Variants in PCDH7 observed in about 807,000 individuals in gnomAD.
The protein encoded by PCDH7 is protocadherin 7.
In PCDH7, 17 loss-of-function variants were observed where a neutral mutation model predicts 58.9. That is an observed-to-expected ratio of 0.29 (90% CI 0.20 to 0.43). PCDH7 has a LOEUF of 0.43. Ranked by LOEUF, PCDH7 falls within the 20% of genes least tolerant of loss-of-function variation. The pLI is 1.00. For missense variants in PCDH7, 1,274 were observed against 1,441.0 expected (o/e 0.88, Z 1.88); for synonymous variants, 664 against 616.4 (o/e 1.08, Z -1.14).
At chr4:30,961,634 A>G (rs1233849719) in intron 3 of PCDH7, among the ~76,000 whole-genome samples, 3 of 152,160 alleles carry the variant, frequency 2.0e-5, no homozygotes, top group African/African-American at 7.2e-5. Flanking sequence ...AAATATATCA[A>G]AAGTATAGCC....
At chr4:30,877,316 G>A (rs1032099494) in intron 1 of PCDH7, among the ~76,000 whole-genome samples, 40 of 152,132 alleles carry the variant, frequency 2.6e-4, no homozygotes, top group African/African-American at 8.4e-4. Flanking sequence ...ATCAAAATCC[G>A]AAAATAATTA....
At chr4:30,926,937 T>C (rs1743948029) in intron 2 of PCDH7, among the ~76,000 whole-genome samples, 2 of 152,184 alleles carry the variant, frequency 1.3e-5, no homozygotes, top group African/African-American at 4.8e-5. Context: ...TTCTCAGTCC[T>C]TTCTTTTCTA....
intron 2 of PCDH7, among the ~76,000 whole-genome samples, chr4:30,930,438 G>A (rs1744426710): frequency 6.6e-6 from 1 of 152,176 alleles, no homozygotes; most frequent in African/African-American, 2.4e-5. Flanking sequence ...TCTGAAATTT[G>A]TGAGTATAGA....
At chr4:30,961,420 C>A (rs571539926) in intron 3 of PCDH7, among the ~76,000 whole-genome samples, 1 of 151,256 alleles carries the variant, frequency 6.6e-6, no homozygotes. Flanking sequence ...GGTGTGGTAG[C>A]GGGTGCCTGT....
chr4:31,009,322 A>G (rs149476439), intron 3 of PCDH7, among the ~76,000 whole-genome samples: 1 of 152,088 alleles, frequency 6.6e-6, no homozygotes. Flanking sequence ...TAGTGGAAAT[A>G]GGGAAACAGC....
intron 1 of PCDH7, among the ~76,000 whole-genome samples, chr4:30,878,886 A>G (rs1736615395): frequency 6.6e-6 from 1 of 152,076 alleles, no homozygotes. Context: ...ATACCTTTCC[A>G]TTATTTCAAG....
At position 30,721,749 on chromosome 4, in the gene PCDH7, C is replaced by T. The variant is rs1365684163; in HGVS notation, c.327C>T (p.Phe109=). ...TGATCTTCGACGAGAACGAGTGCTTCCTGGACTTCGAGGTGTCGGTGATCG... is the reference window on the plus strand; with the variant it reads ...TGATCTTCGACGAGAACGAGTGCTTTCTGGACTTCGAGGTGTCGGTGATCG... The change falls in exon 1 of 2, where the codon TTC becomes TTT. Residue 109 remains phenylalanine (F), a synonymous_variant. Coordinates refer to ENST00000361762, the Ensembl canonical transcript of PCDH7. The surrounding 1 kb of genome is among the most constrained non-coding windows in gnomAD (Gnocchi z 6.7). The T allele has an allele frequency of 6.2e-6, 10 of 1,613,900 alleles. No individual in the cohort carries two copies. The highest frequency in any genetic ancestry group is 8.5e-6 in the Non-Finnish European group (10 of 1,180,004).
At chr4:30,952,439 AAGAC>A (rs1216251327) in intron 3 of PCDH7, among the ~76,000 whole-genome samples, 62 of 152,082 alleles carry the variant, frequency 4.1e-4, no homozygotes, top group Admixed American at 4.1e-3. Context: ...GATAAGTAAA[AAGAC>A]AGATAGGAAA....
At chr4:30,860,645 G>C (rs1408124893) in intron 1 of PCDH7, among the ~76,000 whole-genome samples, 1 of 152,072 alleles carries the variant, frequency 6.6e-6, no homozygotes, top group Non-Finnish European at 1.5e-5. Flanking sequence ...CTTGCCCCAA[G>C]ACGAAAAACA....
intron 3 of PCDH7, among the ~76,000 whole-genome samples, chr4:31,031,479 C>T (rs1754913447): frequency 6.6e-6 from 1 of 152,056 alleles, no homozygotes; most frequent in Non-Finnish European, 1.5e-5. Context: ...TCTAGTTTGC[C>T]TGAGGTATAG....
intron 1 of PCDH7, among the ~76,000 whole-genome samples, chr4:30,879,835 A>C (rs1736742292): frequency 6.6e-6 from 1 of 152,142 alleles, no homozygotes; most frequent in African/African-American, 2.4e-5. Flanking sequence ...TTAAAGATTA[A>C]ATTTCTTCTG....
intron 1 of PCDH7, among the ~76,000 whole-genome samples, chr4:30,837,771 C>T (rs1312075035): frequency 7.3e-5 from 11 of 151,294 alleles, no homozygotes; most frequent in African/African-American, 1.7e-4. Flanking sequence ...AATTAACTCT[C>T]GCTCTATTAT....
chr4:30,868,836 T>C (rs1735194173), intron 1 of PCDH7, among the ~76,000 whole-genome samples: 1 of 152,136 alleles, frequency 6.6e-6, no homozygotes, highest in African/African-American at 2.4e-5. Flanking sequence ...TGTTTCTGTA[T>C]GTAACTCTAG....
intron 3 of PCDH7, among the ~76,000 whole-genome samples, chr4:31,001,939 G>C (rs1427964582): frequency 1.3e-5 from 2 of 152,134 alleles, no homozygotes; most frequent in Non-Finnish European, 2.9e-5. Context: ...AACAACAAAA[G>C]CGTTTTTTGG....
At chr4:30,934,964 C>T (rs1003257037) in intron 2 of PCDH7, among the ~76,000 whole-genome samples, 1 of 152,030 alleles carries the variant, frequency 6.6e-6, no homozygotes, top group Admixed American at 6.6e-5. Context: ...ACTGCCCTAT[C>T]TTCCTCAAAG....
chr4:31,008,398 A>G (rs377762283), intron 3 of PCDH7, among the ~76,000 whole-genome samples: 136 of 152,290 alleles, frequency 8.9e-4, no homozygotes, highest in African/African-American at 3.1e-3. Flanking sequence ...GTTAACTTGA[A>G]TAACTTACTT....
chr4:30,896,313 A>C (rs1054006796), intron 1 of PCDH7, among the ~76,000 whole-genome samples: 1 of 152,050 alleles, frequency 6.6e-6, no homozygotes, highest in Admixed American at 6.6e-5. Flanking sequence ...GAAATTTTAT[A>C]TTTCTCCTAA....
At chr4:30,915,915 T>A (rs979638346) in intron 1 of PCDH7, among the ~76,000 whole-genome samples, 1 of 152,166 alleles carries the variant, frequency 6.6e-6, no homozygotes, top group Non-Finnish European at 1.5e-5. Flanking sequence ...CCAATTTCTT[T>A]TAGAGATCTC....
chr4:31,052,472 T>G (rs73218803), intron 3 of PCDH7, among the ~76,000 whole-genome samples: 13,950 of 152,188 alleles, frequency 0.092, 964 homozygotes, highest in East Asian at 0.23. Flanking sequence ...AATAATGCAA[T>G]GAATTCAATC....
Sources: gnomAD v4.1 joint callset for allele counts (sites outside exome capture counted in the v4.1 genomes callset) on GRCh38, gnomAD v4.1.1 for gene constraint, Gnocchi (gnomAD v3.1) non-coding constraint, MANE v1.5 for transcripts, NCBI Gene and HGNC (gene_info 2026-07-23, HGNC 2026-07-21) for gene names.